CNBD1: variants seen among roughly 807,000 people sequenced by gnomAD.
The protein encoded by CNBD1 is cyclic nucleotide-binding domain-containing protein 1.
CNBD1 carries 71 observed loss-of-function variants against 54.4 expected under a neutral mutation model. The observed-to-expected ratio is 1.30, with a 90% CI of 1.08 to 1.59. CNBD1 has a LOEUF of 1.59. Among genes scored for constraint, CNBD1 ranks in the 40% most tolerant of loss-of-function variants. CNBD1 has a pLI of 0.00. For synonymous variants in CNBD1, 182 were observed against 170.7 expected (o/e 1.07, Z -0.51); for missense variants, 659 against 518.0 (o/e 1.27, Z -2.64).
intron 4 of CNBD1, among the ~76,000 whole-genome samples, chr8:86,945,830 A>C (rs1807451624): frequency 6.6e-6 from 1 of 152,218 alleles, no homozygotes; most frequent in South Asian, 2.1e-4. Flanking sequence ...ACTCATTGAC[A>C]GTAGACTGGT....
chr8:87,376,210 T>C (rs1436779506), intron 10 of CNBD1, among the ~76,000 whole-genome samples: 2 of 151,880 alleles, frequency 1.3e-5, no homozygotes, highest in South Asian at 2.1e-4. Context: ...ACGTTTATTT[T>C]CCCATAGTTT....
intron 8 of CNBD1, among the ~76,000 whole-genome samples, chr8:87,346,193 C>T (rs1810173029): frequency 6.6e-6 from 1 of 151,996 alleles, no homozygotes; most frequent in African/African-American, 2.4e-5. Context: ...AGGCATGCGC[C>T]ACCACGCTCA....
chr8:86,987,966 G>A (rs901713280), intron 4 of CNBD1, among the ~76,000 whole-genome samples: 2 of 151,994 alleles, frequency 1.3e-5, no homozygotes, highest in Non-Finnish European at 1.5e-5. Flanking sequence ...TTCCATTTGT[G>A]TTGTCAGTCT....
At chr8:87,263,000 C>T (rs376894400) in intron 6 of CNBD1, among the ~76,000 whole-genome samples, 104 of 152,052 alleles carry the variant, frequency 6.8e-4, no homozygotes, top group African/African-American at 2.1e-3. Flanking sequence ...TCATTGTGGG[C>T]GCAAGAAGTT....
intron 4 of CNBD1, among the ~76,000 whole-genome samples, chr8:87,188,865 G>A (rs1813539677): frequency 6.8e-6 from 1 of 147,574 alleles, no homozygotes. Flanking sequence ...TAACATGTAG[G>A]TAGAAGCTAT....
intron 8 of CNBD1, among the ~76,000 whole-genome samples, chr8:87,290,304 C>T (rs1808762911): frequency 6.6e-6 from 1 of 151,670 alleles, no homozygotes; most frequent in Non-Finnish European, 1.5e-5. Context: ...TCATATTTAC[C>T]ATTTCTAGTC....
In CNBD1 at chr8:87,326,331, C is replaced by T. The variant is rs199618809; in HGVS notation, c.1043-25354C>T. On this transcript the variant is annotated intron_variant, in intron 8 of 10. Transcript: ENST00000518476. ...ATCTTTGTGGCGTTCTCTGTATTTC[C>T]TGAATCTGAACGTTGGCCTGCCTTG... Among the ~76,000 whole-genome samples the T allele has an allele frequency of 1.7e-4, 21 of 124,626 alleles. 1 individual carries two copies. In the East Asian group the frequency reaches 4.3e-3, roughly 26 times the overall value. 81.8% of individuals were successfully genotyped at this position (124,626 alleles called of 152,430 possible). A position where few individuals can be genotyped will look rare whatever the true frequency, so the allele number is the denominator to read the frequency against.
At position 87,343,771 on chromosome 8, in the gene CNBD1, T is replaced by C. The variant is rs373169205; in HGVS notation, c.1043-7914T>C. Among the ~76,000 whole-genome samples the C allele has an allele frequency of 1.8e-4, 27 of 152,298 alleles. No individual in the cohort carries two copies. In the South Asian group the frequency reaches 5.6e-3, roughly 32 times the overall value. ...GTATAATATATTCTATGGGTTTTCATAATTTAATCATTTACCTTTTGATTA... is the reference window on the plus strand; with the variant it reads ...GTATAATATATTCTATGGGTTTTCACAATTTAATCATTTACCTTTTGATTA... On this transcript the variant is annotated intron_variant, in intron 8 of 10. Transcript: ENST00000518476.
At position 87,206,080 on chromosome 8, in the gene CNBD1, G is replaced by A. The variant is rs771701282; in HGVS notation, c.519G>A (p.Lys173=). 20 of 1,605,372 alleles carry A rather than the reference G, an allele frequency of 1.2e-5. No homozygotes were observed. The African/African-American group carries it at 1.8e-4, about 14-fold the overall frequency. The stretch of plus-strand genomic sequence containing the variant: ...ATTTAACCTTTCAGCTAAATGATAA[G>A]CATCTGAAAACACTTAGTAAGACTG... ...IPDLTFQLND[K]HLKTLSKTVF... is the part of the protein sequence containing the mutation. The change falls in exon 5 of 11, where the codon AAG becomes AAA. Residue 173 remains lysine (K), a synonymous_variant. Transcript: ENST00000518476.
At chr8:86,963,739 C>T (rs1427021831) in intron 4 of CNBD1, among the ~76,000 whole-genome samples, 2 of 152,154 alleles carry the variant, frequency 1.3e-5, no homozygotes, top group Non-Finnish European at 2.9e-5. Flanking sequence ...GAAAGGCCTG[C>T]TCAAGTCCAG....
At chr8:87,083,625 G>C (rs1586244487) in intron 4 of CNBD1, among the ~76,000 whole-genome samples, 1 of 119,920 alleles carries the variant, frequency 8.3e-6, no homozygotes, top group East Asian at 2.4e-4. Flanking sequence ...GTCTGACTCT[G>C]TGTCCCAGGC....
At chr8:87,266,861 C>A (rs538521615) in intron 6 of CNBD1, among the ~76,000 whole-genome samples, 1 of 152,028 alleles carries the variant, frequency 6.6e-6, no homozygotes, top group Non-Finnish European at 1.5e-5. Context: ...AAACTGCATG[C>A]CTACTTTACA....
At chr8:86,928,798 T>C (rs773273936) in intron 3 of CNBD1, among the ~76,000 whole-genome samples, 15 of 152,336 alleles carry the variant, frequency 9.8e-5, no homozygotes, top group Admixed American at 2.0e-4. Context: ...TGTCAGATGG[T>C]CTGTAGGAGA....
intron 2 of CNBD1, among the ~76,000 whole-genome samples, chr8:87,422,452 A>G (rs1807957302): frequency 6.6e-6 from 1 of 150,880 alleles, no homozygotes; most frequent in Non-Finnish European, 1.5e-5. Context: ...ATTTTTGTAT[A>G]AGGTGTAAGG....
At chr8:87,338,291 A>G (rs1438793995) in intron 8 of CNBD1, among the ~76,000 whole-genome samples, 2 of 152,136 alleles carry the variant, frequency 1.3e-5, no homozygotes, top group Non-Finnish European at 1.5e-5. Context: ...CATTATATAG[A>G]TATGAGTTTC....
intron 4 of CNBD1, among the ~76,000 whole-genome samples, chr8:87,059,879 G>A (rs900082200): frequency 6.6e-6 from 1 of 152,216 alleles, no homozygotes; most frequent in African/African-American, 2.4e-5. Context: ...GCTCAGTCAA[G>A]GGAAGGTACC....
chr8:87,240,141 A>G (rs888816286), intron 6 of CNBD1, among the ~76,000 whole-genome samples: 3 of 151,908 alleles, frequency 2.0e-5, no homozygotes, highest in African/African-American at 7.2e-5. Context: ...ATATTTATAT[A>G]CTTCTATATT....
At chr8:87,076,724 G>A (rs1186364613) in intron 4 of CNBD1, among the ~76,000 whole-genome samples, 5 of 151,750 alleles carry the variant, frequency 3.3e-5, no homozygotes, top group African/African-American at 7.3e-5. Flanking sequence ...TTACAGGCGT[G>A]AGCCACCACA....
chr8:87,412,083 A>G (rs1454636079), intron 2 of CNBD1, among the ~76,000 whole-genome samples: 4 of 152,012 alleles, frequency 2.6e-5, no homozygotes, highest in Non-Finnish European at 1.5e-5. Flanking sequence ...TCTCAGATTT[A>G]TAATGCTAAA....
Sources: allele counts gnomAD v4.1 joint callset (sites outside exome capture counted in the v4.1 genomes callset), GRCh38; gene constraint gnomAD v4.1.1; transcripts MANE v1.5; gene names NCBI Gene and HGNC (gene_info 2026-07-23, HGNC 2026-07-21).